Variants in GNAI1 observed in about 807,000 individuals in gnomAD.
GNAI1 encodes the protein guanine nucleotide-binding protein G(i) subunit alpha-1.
Under a neutral mutation model 38.9 loss-of-function variants are expected in GNAI1, and 11 were observed. The ratio of observed to expected loss-of-function variants is 0.28; its 90% CI spans 0.18 to 0.47. GNAI1 has a LOEUF of 0.47. Ranked by LOEUF, GNAI1 falls within the 20% of genes least tolerant of loss-of-function variation. The probability of loss-of-function intolerance (pLI) is 0.99; values close to 1 mark genes in which losing one functional copy is unlikely to be tolerated. For missense variants in GNAI1, 317 were observed against 436.9 expected (o/e 0.73, Z 2.45); for synonymous variants, 166 against 145.1 (o/e 1.14, Z -1.04).
rs1789146554 is a variant in GNAI1 at position 80,225,632 on chromosome 7, G to T, written c.*8139G>T. Among the ~76,000 whole-genome samples the T allele has an allele frequency of 6.6e-6, 1 of 152,068 alleles. No individual in the cohort carries two copies. Among genetic ancestry groups the T allele is most frequent in the Non-Finnish European group, 1.5e-5 (1 of 68,008 alleles). ...GAGGACAGGAATTTGCTATCTGCAG[G>T]ACTTAAATCAGGATAGAGTATCAAA... On this transcript the variant is annotated 3_prime_UTR_variant, in exon 8 of 8. Transcript: ENST00000649796.
At chr7:80,165,482 G>A (rs891602361) in intron 1 of GNAI1, among the ~76,000 whole-genome samples, 1 of 152,040 alleles carries the variant, frequency 6.6e-6, no homozygotes, top group East Asian at 1.9e-4. Flanking sequence ...ACTCCACTTT[G>A]TATGTTTATG....
rs1194683120 is a variant in GNAI1, at chr7:80,183,201, G to T, written c.119-5750G>T. Among the ~76,000 whole-genome samples the T allele has an allele frequency of 2.0e-5, 3 of 152,130 alleles. No individual in the cohort carries two copies. The East Asian group carries it at 5.8e-4, about 29-fold the overall frequency. On this transcript the variant is annotated intron_variant, in intron 1 of 7. Transcript: ENST00000649796. ...CAATTATAATTTTTCTAAAGTAAAT[G>T]CTCTAAGAAAAAGGGAGGGAAATGT...
intron 7 of GNAI1, among the ~76,000 whole-genome samples, chr7:80,213,414 C>T (rs1176891263): frequency 6.6e-6 from 1 of 152,156 alleles, no homozygotes; most frequent in Non-Finnish European, 1.5e-5. Context: ...ATGGAAAATT[C>T]CCTGGAGTGA....
At chr7:80,188,855 G>GGGGT in intron 1 of GNAI1, 96 bp from the exon 2 acceptor site, 2 of 700,012 alleles carry the variant, frequency 2.9e-6, no homozygotes, top group East Asian at 5.9e-5. Context: ...AGAGAGACTG[G>GGGGT]GTGTGTGTGT....
chr7:80,140,653 C>T (rs960763462), intron 1 of GNAI1, among the ~76,000 whole-genome samples: 2 of 152,174 alleles, frequency 1.3e-5, no homozygotes, highest in Non-Finnish European at 2.9e-5. Flanking sequence ...GTCAGCTCTA[C>T]CTAATCTTTT....
At chr7:80,181,347 A>G (rs1207132729) in intron 1 of GNAI1, among the ~76,000 whole-genome samples, 1 of 152,172 alleles carries the variant, frequency 6.6e-6, no homozygotes, top group African/African-American at 2.4e-5. Flanking sequence ...TTATAAACAC[A>G]AACTCAAATA....
chr7:80,211,828 T>C (rs1788879661), intron 6 of GNAI1, among the ~76,000 whole-genome samples: 1 of 152,220 alleles, frequency 6.6e-6, no homozygotes, highest in Admixed American at 6.5e-5. Flanking sequence ...TGTAAAACTT[T>C]GTCATTTTAA....
Position 80,203,846 on chromosome 7 carries a change from A to G in GNAI1, c.590+14A>G. 7.1e-7 allele frequency: 1 copy of G among 1,415,152 alleles called. No individual in the cohort carries two copies. Among genetic ancestry groups the G allele is most frequent in the Non-Finnish European group, 9.8e-7 (1 of 1,020,022 alleles). 87.7% of individuals were successfully genotyped at this position (1,415,152 alleles called of 1,614,324 possible). ...TCTTCATTTTAAGTGAGTAGCTTTGAAATATATGATTTCTAAATTTAGATA... is the reference window on the plus strand; with the variant it reads ...TCTTCATTTTAAGTGAGTAGCTTTGGAATATATGATTTCTAAATTTAGATA... On this transcript the variant is annotated intron_variant, in intron 5 of 7. Coordinates refer to ENST00000649796, the MANE Select transcript of GNAI1 (RefSeq NM_002069.6).
At chr7:80,217,279 G>A in intron 7 of GNAI1, 24 bp from the exon 8 acceptor site, 1 of 1,343,384 alleles carries the variant, frequency 7.4e-7, no homozygotes, top group Non-Finnish European at 9.8e-7. Context: ...TTGCATTTAT[G>A]TTTCTTTCCT....
At chr7:80,187,422 GC>G (rs1343342469) in intron 1 of GNAI1, 2 of 152,228 alleles carry the variant, frequency 1.3e-5, no homozygotes, top group East Asian at 3.9e-4. Flanking sequence ...GTGAGAGGCA[GC>G]AGGAATCACA....
intron 1 of GNAI1, among the ~76,000 whole-genome samples, chr7:80,164,737 T>C (rs1787984599): frequency 6.6e-6 from 1 of 152,222 alleles, no homozygotes; most frequent in Non-Finnish European, 1.5e-5. Flanking sequence ...TTGGGGCATT[T>C]ATCCATCTCT....
chr7:80,156,042 C>CAACAAAA (rs1787812004), intron 1 of GNAI1, among the ~76,000 whole-genome samples: 1 of 68,532 alleles, frequency 1.5e-5, no homozygotes, highest in South Asian at 6.1e-4. Flanking sequence ...GACTCTGTCT[C>CAACAAAA]AAAAAAAAAA....
At chr7:80,171,594 A>G (rs1196387500) in intron 1 of GNAI1, among the ~76,000 whole-genome samples, 1 of 152,208 alleles carries the variant, frequency 6.6e-6, no homozygotes, top group Non-Finnish European at 1.5e-5. Context: ...TGCTTCCCAT[A>G]GTATTATAGA....
At chr7:80,186,526 GTACA>G (rs1788389057) in intron 1 of GNAI1, among the ~76,000 whole-genome samples, 1 of 151,916 alleles carries the variant, frequency 6.6e-6, no homozygotes. Flanking sequence ...ATTCTCATTT[GTACA>G]TACATAGTTC....
At chr7:80,211,565 C>T (rs185631928) in intron 6 of GNAI1, among the ~76,000 whole-genome samples, 4 of 151,976 alleles carry the variant, frequency 2.6e-5, no homozygotes, top group East Asian at 3.9e-4. Flanking sequence ...ATTACAGGCA[C>T]GTGCCACCAC....
chr7:80,203,680 GT>G (rs1208333773), intron 4 of GNAI1, 23 bp from the exon 5 acceptor site: 1 of 1,489,548 alleles, frequency 6.7e-7, no homozygotes, highest in Non-Finnish European at 9.3e-7. Context: ...CCATTAACAT[GT>G]TGTTTTGTTT....
intron 5 of GNAI1, among the ~76,000 whole-genome samples, chr7:80,210,114 G>A (rs1788847265): frequency 6.6e-6 from 1 of 152,088 alleles, no homozygotes; most frequent in Admixed American, 6.5e-5. Context: ...GTACCAGTTC[G>A]CATAGTGTTT....
At chr7:80,170,981 G>A (rs1396111503) in intron 1 of GNAI1, among the ~76,000 whole-genome samples, 1 of 152,106 alleles carries the variant, frequency 6.6e-6, no homozygotes, top group Non-Finnish European at 1.5e-5. Context: ...ATATATTATG[G>A]CTTTAGTAAA....
Position 80,219,806 on chromosome 7 carries a change from A to G in GNAI1, c.*2313A>G, listed in dbSNP as rs1042675354. 4.6e-5 allele frequency among the ~76,000 whole-genome samples: 7 copies of G among 152,094 alleles called. No individual in the cohort carries two copies. The highest frequency in any genetic ancestry group is 1.7e-4 in the African/African-American group (7 of 41,434). ...TACATGTGCCATGGTGGTTTGCTGC[A>G]CCTATCAACCTGTCATCTAAGTTTT... On this transcript the variant is annotated 3_prime_UTR_variant, in exon 8 of 8. Coordinates refer to ENST00000649796, the MANE Select transcript of GNAI1 (RefSeq NM_002069.6).
Sources: gnomAD v4.1 joint callset for allele counts (sites outside exome capture counted in the v4.1 genomes callset) on GRCh38, gnomAD v4.1.1 for gene constraint, MANE v1.5 for transcripts, NCBI Gene and HGNC (gene_info 2026-07-23, HGNC 2026-07-21) for gene names.